The following TMPRSS9 variants were observed in gnomAD, a reference collection of about 807,000 sequenced individuals.
The protein encoded by TMPRSS9 is transmembrane serine protease 9, also known as transmembrane protease serine 9.
TMPRSS9 carries 113 observed loss-of-function variants against 111.4 expected under a neutral mutation model. That is an observed-to-expected ratio of 1.01 (90% CI 0.87 to 1.19). The LOEUF (loss-of-function observed/expected upper bound fraction) is 1.19. Ranked by LOEUF, TMPRSS9 falls within the 50% of genes most tolerant of loss-of-function variation. The pLI, the probability that TMPRSS9 is intolerant of heterozygous loss-of-function variation, is 0.00. For synonymous variants in TMPRSS9, 805 were observed against 659.1 expected, an observed-to-expected ratio of 1.22 and a Z score of -3.39; for missense variants, 1,803 against 1,513.1, an observed-to-expected ratio of 1.19 and a Z score of -3.18.
chr19:2,391,361 G>GA (rs1472232007), intron 1 of TMPRSS9, among the ~76,000 whole-genome samples: 10 of 95,514 alleles, frequency 1.0e-4, no homozygotes, highest in Non-Finnish European at 2.4e-4. Context: ...AATCCTCCTA[G>GA]GTTTTTTTTT....
intron 2 of TMPRSS9, among the ~76,000 whole-genome samples, chr19:2,398,366 C>G (rs371237286): frequency 8.6e-5 from 13 of 151,792 alleles, no homozygotes; most frequent in South Asian, 8.3e-4. Flanking sequence ...CAACTGTAAT[C>G]CTAGCACTGT....
exon 11 of TMPRSS9, chr19:2,415,787 G>C (rs1252645940): frequency 6.2e-7 from 1 of 1,608,468 alleles, no homozygotes; most frequent in African/African-American, 1.3e-5. Flanking sequence ...CACTTCTGCG[G>C]AGCAACTGTG....
At chr19:2,388,646 G>T (rs1022745096), upstream of TMPRSS9, among the ~76,000 whole-genome samples, 1 of 152,186 alleles carries the variant, frequency 6.6e-6, no homozygotes, top group Admixed American at 6.5e-5. Flanking sequence ...TTTGAGACAG[G>T]GTCTGGCTCT....
At chr19:2,405,960 T>C (rs1255217685) in intron 7 of TMPRSS9, among the ~76,000 whole-genome samples, 3 of 148,382 alleles carry the variant, frequency 2.0e-5, no homozygotes, top group East Asian at 2.1e-4. Context: ...CCTCCCAAAG[T>C]GCTGGGATTA....
intron 8 of TMPRSS9, 60 bp downstream of exon 9, chr19:2,408,690 A>G: frequency 6.4e-7 from 1 of 1,566,420 alleles, no homozygotes; most frequent in Non-Finnish European, 8.7e-7. Context: ...AATAACGCAG[A>G]AAAGGGCCAG....
At chr19:2,409,893 G>A (rs2145356000) in intron 8 of TMPRSS9, among the ~76,000 whole-genome samples, 1 of 152,150 alleles carries the variant, frequency 6.6e-6, no homozygotes, top group South Asian at 2.1e-4. Context: ...TGAGACAGGG[G>A]CTGATTCTGT....
intron 1 of TMPRSS9, among the ~76,000 whole-genome samples, chr19:2,384,432 T>C (rs564686188): frequency 5.9e-5 from 9 of 152,182 alleles, no homozygotes; most frequent in African/African-American, 2.2e-4. Context: ...TCCCAGCACT[T>C]TGGGAGGCCG....
In TMPRSS9 at chr19:2,425,988, T is replaced by C. The variant is rs1017908656; in HGVS notation, c.3182T>C (p.Val1061Ala). ...TCTGGACGGTGGGTGCTAACTGGGG[T>C]CACTAGCTGGGGCTATGGCTGTGGC... Residue 1061 changes from valine to alanine, a missense_variant, in exon 18 of 18, where the codon GTC becomes GCC. Coordinates refer to ENST00000648592, the Ensembl canonical transcript of TMPRSS9. 6.8e-6 allele frequency: 11 copies of C among 1,606,208 alleles called. No individual in the cohort carries two copies. Among genetic ancestry groups the C allele is most frequent in the Admixed American group, 1.7e-5 (1 of 58,000 alleles).
chr19:2,363,791 T>TGTGTGCGCGCGCGCGC (rs1312469707), intron 1 of TMPRSS9, among the ~76,000 whole-genome samples: 2 of 130,512 alleles, frequency 1.5e-5, no homozygotes, highest in African/African-American at 5.8e-5. Flanking sequence ...TGTGTGTGAG[T>TGTGTGCGCGCGCGCGC]GTGTGTGTGT....
chr19:2,372,397 T>G (rs1396052191), intron 1 of TMPRSS9, among the ~76,000 whole-genome samples: 2 of 152,150 alleles, frequency 1.3e-5, no homozygotes, highest in Admixed American at 1.3e-4. Flanking sequence ...CCTCTTCTTG[T>G]CAAGGGCTTC....
At chr19:2,383,457 G>T (rs1347905426) in intron 1 of TMPRSS9, among the ~76,000 whole-genome samples, 1 of 151,378 alleles carries the variant, frequency 6.6e-6, no homozygotes. Flanking sequence ...TTCCAGACCA[G>T]CCTGGGCAAC....
intron 1 of TMPRSS9, among the ~76,000 whole-genome samples, chr19:2,391,061 CAGGCAGGT>C (rs987166179): frequency 6.7e-6 from 1 of 148,734 alleles, no homozygotes; most frequent in African/African-American, 2.5e-5. Flanking sequence ...GGGAGGCAGG[CAGGCAGGT>C]AGGCAGGAAG....
intron 1 of TMPRSS9, among the ~76,000 whole-genome samples, chr19:2,368,777 T>G (rs940528763): frequency 2.0e-5 from 2 of 99,646 alleles, no homozygotes; most frequent in African/African-American, 5.7e-5. Flanking sequence ...AAACCCAGTT[T>G]TTTTTTTTTT....
At chr19:2,374,911 G>A (rs1287929548) in intron 1 of TMPRSS9, among the ~76,000 whole-genome samples, 1 of 152,122 alleles carries the variant, frequency 6.6e-6, no homozygotes, top group Non-Finnish European at 1.5e-5. Flanking sequence ...CTCCGCTTCG[G>A]TTTGTTCACA....
intron 2 of TMPRSS9, 93 bp from the exon 4 acceptor site, chr19:2,398,702 T>TCA: frequency 1.2e-6 from 1 of 834,646 alleles, no homozygotes; most frequent in African/African-American, 1.8e-5. Context: ...ACCAACCCCT[T>TCA]CTCCAGCTCC....
intron 1 of TMPRSS9, among the ~76,000 whole-genome samples, chr19:2,395,189 G>A (rs528212045): frequency 2.0e-5 from 3 of 152,244 alleles, no homozygotes; most frequent in East Asian, 1.9e-4. Context: ...AGGCCAAGGC[G>A]GGTGGATCAC....
At chr19:2,361,670 C>T (rs1464211674) in intron 1 of TMPRSS9, among the ~76,000 whole-genome samples, 3 of 152,172 alleles carry the variant, frequency 2.0e-5, no homozygotes, top group South Asian at 2.1e-4. Flanking sequence ...CCAGGACAGG[C>T]GTCCGTGCTC....
intron 1 of TMPRSS9, among the ~76,000 whole-genome samples, chr19:2,394,629 T>C (rs1386777002): frequency 1.3e-5 from 2 of 151,860 alleles, no homozygotes; most frequent in Non-Finnish European, 2.9e-5. Flanking sequence ...AAACATACCG[T>C]TTTTAGAATT....
At chr19:2,421,662 G>A (rs889405106) in intron 13 of TMPRSS9, among the ~76,000 whole-genome samples, 192 bp from the exon 15 acceptor site, 1 of 152,188 alleles carries the variant, frequency 6.6e-6, no homozygotes, top group South Asian at 2.1e-4. Flanking sequence ...TGGAAACTCA[G>A]AGAGGAGAAG....
Sources: gnomAD v4.1 joint callset for allele counts (sites outside exome capture counted in the v4.1 genomes callset) on GRCh38, gnomAD v4.1.1 for gene constraint, MANE v1.5 for transcripts, NCBI Gene and HGNC (gene_info 2026-07-23, HGNC 2026-07-21) for gene names.